The following MUC4 variants were observed in gnomAD, a reference collection of about 807,000 sequenced individuals.
The protein encoded by MUC4 is mucin-4.
A neutral mutation model predicts 257.9 loss-of-function variants in MUC4; 202 were observed. The observed-to-expected ratio is 0.78, with a 90% CI of 0.70 to 0.88. The LOEUF (loss-of-function observed/expected upper bound fraction) is 0.88. MUC4 is among the 40% of genes least tolerant of loss of function. The probability of loss-of-function intolerance (pLI) is 0.00; values close to 1 mark genes in which losing one functional copy is unlikely to be tolerated. For missense variants in MUC4, 5,976 were observed against 6,513.7 expected, an observed-to-expected ratio of 0.92 and a Z score of 2.84; for synonymous variants, 2,351 against 2,757.1, an observed-to-expected ratio of 0.85 and a Z score of 4.62.
chr3:195,778,048 T>G (rs1725383963), intron 3 of MUC4, among the ~76,000 whole-genome samples: 1 of 152,202 alleles, frequency 6.6e-6, no homozygotes, highest in Non-Finnish European at 1.5e-5. Context: ...GACCCTGGGA[T>G]GAGTCCTCTA....
At chr3:195,764,486 T>A (rs1183854000) in intron 10 of MUC4, among the ~76,000 whole-genome samples, 1 of 152,050 alleles carries the variant, frequency 6.6e-6, no homozygotes, top group African/African-American at 2.4e-5. Context: ...GCTAAGCAAA[T>A]TTCCTGTCTT....
chr3:195,791,448 G>A lies in MUC4; in HGVS notation c.132C>T (p.Val44=), dbSNP rs992088240. The A allele has an allele frequency of 1.2e-6, 2 of 1,613,864 alleles. No homozygotes were observed. The highest frequency in any genetic ancestry group is 2.7e-5 in the African/African-American group (2 of 74,906). Residue 44 remains valine, a synonymous_variant, in exon 2 of 25, where the codon GTC becomes GTT. Coordinates refer to ENST00000463781, the MANE Select transcript of MUC4 (RefSeq NM_018406.7). The stretch of plus-strand genomic sequence containing the variant: ...TCGCTGTTGTTGAGCCTGTTGAGGT[G>A]ACTGGGGCAGCAGTTTTACTTCCAG... ...LITGSKTAAP[V]TSTGSTTATL... is the part of the protein sequence containing the mutation.
At chr3:195,808,988 C>G (rs1031881036) in intron 1 of MUC4, among the ~76,000 whole-genome samples, 1 of 152,170 alleles carries the variant, frequency 6.6e-6, no homozygotes, top group Non-Finnish European at 1.5e-5. Context: ...CTTGCTCCAG[C>G]CTGTCACCTC....
At chr3:195,811,696 C>T in intron 1 of MUC4, 40 bp downstream of exon 1, 1 of 1,596,984 alleles carries the variant, frequency 6.3e-7, no homozygotes, top group Non-Finnish European at 8.6e-7. Flanking sequence ...CCCCCAAGTG[C>T]TCCCCGCAGC....
intron 4 of MUC4, 93 bp downstream of exon 4, chr3:195,774,079 T>C: frequency 7.1e-7 from 1 of 1,408,572 alleles, no homozygotes; most frequent in Admixed American, 2.8e-5. Flanking sequence ...CCAAGGCTGC[T>C]TCCATTCCCG....
At chr3:195,761,652 G>A in intron 14 of MUC4, 67 bp from the exon 15 acceptor site, 1 of 1,286,912 alleles carries the variant, frequency 7.8e-7, no homozygotes, top group Admixed American at 1.7e-5. Context: ...GGAGCATCCG[G>A]CGGACGCAGT....
intron 20 of MUC4, 77 bp downstream of exon 20, chr3:195,752,974 G>A: frequency 1.6e-6 from 2 of 1,273,022 alleles, no homozygotes; most frequent in Middle Eastern, 2.7e-4. Context: ...CTTCCCCAAA[G>A]GTGGGCGGAG....
intron 3 of MUC4, among the ~76,000 whole-genome samples, chr3:195,774,645 T>C (rs1723929807): frequency 6.6e-6 from 1 of 152,148 alleles, no homozygotes. Context: ...CTCACGCCTG[T>C]AATCCCAGCA....
intron 7 of MUC4, among the ~76,000 whole-genome samples, chr3:195,767,727 T>TCAC (rs1560264103): frequency 0.19 from 310 of 1,648 alleles, 24 homozygotes; most frequent in Non-Finnish European, 0.27. Flanking sequence ...ACCACCACCA[T>TCAC]CACCACCACC....
chr3:195,777,570 C>T lies in MUC4; in HGVS notation c.12943+733G>A, dbSNP rs796972518. Among the ~76,000 whole-genome samples the T allele has an allele frequency of 5.6e-3, 460 of 82,166 alleles. 2 individuals are homozygous for T. The highest frequency in any genetic ancestry group is 0.03 in the East Asian group (40 of 1,338). The allele number at this position is 82,166 out of a possible 152,430, so 53.9% of individuals were successfully genotyped here. On this transcript the variant is annotated intron_variant, in intron 3 of 24. Coordinates refer to ENST00000463781, the MANE Select transcript of MUC4 (RefSeq NM_018406.7). ...CCTTCCACACCCATACCTTCCACACCCATACCTTCCACACCCATACCTTCC... is the reference window on the plus strand; with the variant it reads ...CCTTCCACACCCATACCTTCCACACTCATACCTTCCACACCCATACCTTCC...
rs1408151037 is a variant in MUC4, at chr3:195,786,739, G to A, written c.4841C>T (p.Thr1614Ile). 3 of 1,517,846 alleles carry A rather than the reference G, an allele frequency of 2.0e-6. No homozygotes were observed. Among genetic ancestry groups the A allele is most frequent in the Non-Finnish European group, 1.8e-6 (2 of 1,128,960 alleles). The allele number at this position is 1,517,846 out of a possible 1,614,324, so 94.0% of individuals were successfully genotyped here. A position where few individuals can be genotyped will look rare whatever the true frequency, so the allele number is the denominator to read the frequency against. The stretch of plus-strand genomic sequence containing the variant: ...AGTGTCGGTGACAGGAAGAGGGGTG[G>A]TGTGACCTGTAGATGCTGAGGAAGG... The part of the protein sequence containing the change: ...TSPSSASTGH[T>I]TPLPVTDTSS... The change falls in exon 2 of 25, where the codon ACC (threonine) becomes ATC (isoleucine). Residue 1614 changes from threonine to isoleucine, a missense_variant. Transcript: ENST00000463781.
chr3:195,760,492 G>C (rs1375645196), intron 16 of MUC4, among the ~76,000 whole-genome samples: 1 of 145,150 alleles, frequency 6.9e-6, no homozygotes, highest in Admixed American at 6.8e-5. Flanking sequence ...GGATGGAGTG[G>C]AGGGGGCTGG....
rs1284419617 is a variant in MUC4 at position 195,781,093 on chromosome 3, G to C, written c.10487C>G (p.Ser3496Ter). ...TTPLHVTIPS[S>*]ASTGDTSTLP... ...AGTGCTGGTGTCACCTGTGGATGCT[G>C]AGGAAGGGATGGTGACATGAAGAGG... The change falls in exon 2 of 25, where the codon TCA becomes TGA. Residue 3496 changes from serine (S) to a stop codon, truncating the protein, a stop_gained. Coordinates refer to ENST00000463781, the MANE Select transcript of MUC4 (RefSeq NM_018406.7). LOFTEE classifies it high-confidence loss of function. 2 of 1,492,250 alleles carry C rather than the reference G, an allele frequency of 1.3e-6. No homozygotes were observed. Among genetic ancestry groups the C allele is most frequent in the Admixed American group, 2.1e-5 (1 of 48,690 alleles). The allele number at this position is 1,492,250 out of a possible 1,614,324, so 92.4% of individuals were successfully genotyped here.
chr3:195,778,808 G>C lies in MUC4; in HGVS notation c.12772C>G (p.Leu4258Val), dbSNP rs532210928. ...CAGCTACCTGGTGTTTCCATCTTCAGAGGGGAGTCCGAGGATACTGTGGAA... is the reference window on the plus strand; with the variant it reads ...CAGCTACCTGGTGTTTCCATCTTCACAGGGGAGTCCGAGGATACTGTGGAA... ...SASTVSSDSP[L>V]KMETPGMTTP... The change falls in exon 2 of 25, where the codon CTG (leucine) becomes GTG (valine). Residue 4258 changes from leucine (L) to valine (V), a missense_variant. Physicochemically the swap from Leu to Val is conservative, Grantham distance 32. Transcript: ENST00000463781. The C allele has an allele frequency of 4.8e-5, 78 of 1,611,670 alleles. 1 individual carries two copies. In the South Asian group the frequency reaches 8.4e-4, roughly 17 times the overall value.
intron 7 of MUC4, among the ~76,000 whole-genome samples, chr3:195,767,116 T>C (rs1171560268): frequency 6.6e-6 from 1 of 152,082 alleles, no homozygotes; most frequent in Non-Finnish European, 1.5e-5. Context: ...GGACAGTGTA[T>C]TGTGATGGTT....
At chr3:195,777,793 A>G (rs377410981) in intron 3 of MUC4, among the ~76,000 whole-genome samples, 4 of 51,642 alleles carry the variant, frequency 7.7e-5, no homozygotes, top group African/African-American at 4.6e-4. Flanking sequence ...TACCTTCCAC[A>G]CCCATACCTT....
intron 3 of MUC4, among the ~76,000 whole-genome samples, chr3:195,777,614 C>G (rs796864548): frequency 4.3e-4 from 49 of 114,450 alleles, no homozygotes; most frequent in Middle Eastern, 4.8e-3. Context: ...ACCTTCCACA[C>G]CCATACCTTC....
intron 1 of MUC4, among the ~76,000 whole-genome samples, chr3:195,800,970 G>A (rs942660809): frequency 6.6e-6 from 1 of 151,344 alleles, no homozygotes; most frequent in Non-Finnish European, 1.5e-5. Flanking sequence ...GAGTGATTCT[G>A]ATGCAGGTGG....
chr3:195,789,706 C>A lies in MUC4; in HGVS notation c.1874G>T (p.Ser625Ile), dbSNP rs1207825905. ...AGCTGGTGATTCCTGAGGAGAGGTG[C>A]TTGTGGAATGTATTGTTGAATGATT... Reference protein sequence around the residue: ...STNHSTIHSTSTSPQESPAVS... With the variant: ...STNHSTIHSTITSPQESPAVS... The change falls in exon 2 of 25, where the codon AGC becomes ATC. Residue 625 changes from serine (S) to isoleucine (I), a missense_variant. Coordinates refer to ENST00000463781, the MANE Select transcript of MUC4 (RefSeq NM_018406.7). 1 of 1,613,804 alleles carries A rather than the reference C, an allele frequency of 6.2e-7. No individual in the cohort carries two copies. The highest frequency in any genetic ancestry group is 1.3e-5 in the African/African-American group (1 of 74,974).
Sources: gnomAD v4.1 joint callset for allele counts (sites outside exome capture counted in the v4.1 genomes callset) on GRCh38, gnomAD v4.1.1 for gene constraint, MANE v1.5 for transcripts, NCBI Gene and HGNC (gene_info 2026-07-23, HGNC 2026-07-21) for gene names.